Variants in PFDN1 observed in about 807,000 individuals in gnomAD.
PFDN1 encodes prefoldin 1.
In PFDN1, 6 loss-of-function variants were observed where a neutral mutation model predicts 17.3. The observed-to-expected ratio is 0.35, with a 90% confidence interval of 0.19 to 0.69. The LOEUF (loss-of-function observed/expected upper bound fraction) is 0.69, where lower values mean the gene tolerates loss of function less well. Among genes scored for constraint, PFDN1 ranks in the 30% least tolerant of loss-of-function variants. The pLI, the probability that PFDN1 is intolerant of heterozygous loss-of-function variation, is 0.65. For synonymous variants in PFDN1, 58 were observed against 50.1 expected (o/e 1.16, Z -0.67); for missense variants, 113 against 146.2 (o/e 0.77, Z 1.17).
intron 2 of PFDN1, among the ~76,000 whole-genome samples, chr5:140,282,276 T>C (rs978211179): frequency 6.7e-6 from 1 of 149,208 alleles, no homozygotes; most frequent in Non-Finnish European, 1.5e-5. Context: ...GGAATAAAAA[T>C]ATATCATACG....
chr5:140,246,451 G>A (rs1171956789), intron 3 of PFDN1, among the ~76,000 whole-genome samples: 1 of 152,246 alleles, frequency 6.6e-6, no homozygotes, highest in Non-Finnish European at 1.5e-5. Context: ...TCCATGGCCT[G>A]GGCCAGGCGT....
intron 3 of PFDN1, among the ~76,000 whole-genome samples, chr5:140,247,965 G>A (rs1296927172): frequency 2.0e-5 from 3 of 152,240 alleles, no homozygotes; most frequent in African/African-American, 4.8e-5. Flanking sequence ...TCCAATGCCT[G>A]CAAATGCATA....
At chr5:140,298,609 T>C (rs1336856942) in intron 2 of PFDN1, among the ~76,000 whole-genome samples, 5 of 152,166 alleles carry the variant, frequency 3.3e-5, no homozygotes, top group African/African-American at 4.8e-5. Context: ...AAGGGCAATA[T>C]GCTTTTAAAA....
At chr5:140,282,211 A>G (rs1765415172) in intron 2 of PFDN1, among the ~76,000 whole-genome samples, 2 of 150,956 alleles carry the variant, frequency 1.3e-5, no homozygotes, top group South Asian at 2.1e-4. Context: ...AAAAAAAAAA[A>G]AGAAAAGAAA....
intron 3 of PFDN1, among the ~76,000 whole-genome samples, chr5:140,261,161 CAAAAA>C (rs773165928): frequency 2.1e-5 from 1 of 48,022 alleles, no homozygotes; most frequent in Admixed American, 2.2e-4. Flanking sequence ...GACTCCATCT[CAAAAA>C]AAAAAAAAAA....
In PFDN1 at chr5:140,264,020, C is replaced by CAAA. The variant is rs58605224; in HGVS notation, c.285+17426_285+17428dup. Among the ~76,000 whole-genome samples, 21 of 55,580 alleles carry CAAA rather than the reference C, an allele frequency of 3.8e-4. 2 individuals carry two copies. Among genetic ancestry groups the CAAA allele is most frequent in the African/African-American group, 6.3e-4 (7 of 11,144 alleles). 36.5% of individuals were successfully genotyped at this position (55,580 alleles called of 152,430 possible). ...TGGGGGTCAGAGTGAGACTCCATCT[C>CAAA]AAAAAAAAAAAAAAAAAAAAAAAAA... On this transcript the variant is annotated intron_variant, in intron 3 of 3. Coordinates refer to ENST00000261813, the MANE Select transcript of PFDN1 (RefSeq NM_002622.5).
Position 140,300,461 on chromosome 5 carries a change from A to T in PFDN1, c.155T>A (p.Met52Lys). The stretch of plus-strand genomic sequence containing the variant: ...CATGTTAGTCTCATCTACCAAAGTC[A>T]TGATCTCTGTATCTGTAAGATGTGC... ...KHAHLTDTEI[M>K]TLVDETNMYE... Residue 52 changes from methionine to lysine, a missense_variant, in exon 2 of 4, where the codon ATG becomes AAG. By Grantham distance (95) the Met-to-Lys change is moderately conservative. Transcript: ENST00000261813. 6.2e-7 allele frequency: 1 copy of T among 1,611,576 alleles called. No individual in the cohort carries two copies. The highest frequency in any genetic ancestry group is 8.5e-7 in the Non-Finnish European group (1 of 1,177,814).
chr5:140,281,604 C>T, intron 2 of PFDN1, 71 bp from the exon 3 acceptor site: 1 of 769,420 alleles, frequency 1.3e-6, no homozygotes, highest in Non-Finnish European at 2.3e-6. Context: ...TAGCTACATA[C>T]TACAAATATT....
At chr5:140,294,908 A>T (rs1171403224) in intron 2 of PFDN1, among the ~76,000 whole-genome samples, 1 of 152,002 alleles carries the variant, frequency 6.6e-6, no homozygotes, top group Non-Finnish European at 1.5e-5. Context: ...ACCATTGTTC[A>T]TTCTTAGTTC....
intron 3 of PFDN1, chr5:140,273,977 G>T: frequency 1.7e-6 from 1 of 593,214 alleles, no homozygotes; most frequent in Non-Finnish European, 2.1e-6. Context: ...GCAAAAATGT[G>T]TTCAAATGTA....
At chr5:140,264,672 A>G in intron 3 of PFDN1, among the ~76,000 whole-genome samples, 1 of 151,342 alleles carries the variant, frequency 6.6e-6, no homozygotes, top group South Asian at 2.1e-4. Context: ...CCCTGTCTTT[A>G]CAAAAAAAAA....
chr5:140,270,299 A>G (rs1283819826), intron 3 of PFDN1, among the ~76,000 whole-genome samples: 1 of 152,220 alleles, frequency 6.6e-6, no homozygotes, highest in East Asian at 1.9e-4. Flanking sequence ...AGAAGAGTAT[A>G]GACCATATAA....
intron 3 of PFDN1, among the ~76,000 whole-genome samples, chr5:140,249,210 A>G (rs1479245872): frequency 6.6e-6 from 1 of 152,238 alleles, no homozygotes; most frequent in Admixed American, 6.5e-5. Flanking sequence ...GTAATTTGGA[A>G]AGAGGATCTT....
chr5:140,297,242 G>C (rs763553008), intron 2 of PFDN1, among the ~76,000 whole-genome samples: 13 of 152,076 alleles, frequency 8.5e-5, no homozygotes, highest in Non-Finnish European at 1.3e-4. Context: ...TAATATTCTA[G>C]TCAGAATTCC....
chr5:140,284,205 G>T (rs1362826460), intron 2 of PFDN1, among the ~76,000 whole-genome samples: 3 of 152,166 alleles, frequency 2.0e-5, no homozygotes, highest in Non-Finnish European at 2.9e-5. Context: ...AACTTCAAAG[G>T]CCAGAGAGAT....
At chr5:140,270,315 G>C (rs1192098081) in intron 3 of PFDN1, among the ~76,000 whole-genome samples, 1 of 152,138 alleles carries the variant, frequency 6.6e-6, no homozygotes, top group Non-Finnish European at 1.5e-5. Context: ...TATAAAGCAT[G>C]TAACAATGAA....
intron 1 of PFDN1, among the ~76,000 whole-genome samples, chr5:140,301,506 T>C (rs1052296168): frequency 6.6e-5 from 10 of 152,240 alleles, no homozygotes; most frequent in African/African-American, 2.4e-4. Context: ...ATTTTTATTG[T>C]GACCTTGTTT....
intron 3 of PFDN1, among the ~76,000 whole-genome samples, chr5:140,276,531 A>G (rs367937692): frequency 1.9e-4 from 29 of 152,320 alleles, no homozygotes; most frequent in African/African-American, 7.0e-4. Flanking sequence ...CTGTAATCCC[A>G]GCACTCTGGG....
chr5:140,278,297 G>T (rs1765330457), intron 3 of PFDN1, among the ~76,000 whole-genome samples: 1 of 151,814 alleles, frequency 6.6e-6, no homozygotes, highest in Non-Finnish European at 1.5e-5. Flanking sequence ...GTCAGGCATG[G>T]TGGCTCACAC....
Sources: gnomAD v4.1 joint callset for allele counts (sites outside exome capture counted in the v4.1 genomes callset) on GRCh38, gnomAD v4.1.1 for gene constraint, MANE v1.5 for transcripts, NCBI Gene and HGNC (gene_info 2026-07-23, HGNC 2026-07-21) for gene names.